The following BIN1 variants were observed in gnomAD, a reference collection of about 807,000 sequenced individuals.
BIN1 encodes bridging integrator 1, also known as myc box-dependent-interacting protein 1.
In BIN1, 53 loss-of-function variants were observed where a neutral mutation model predicts 82.0. The observed-to-expected ratio is 0.65, with a 90% CI of 0.52 to 0.81. The LOEUF (loss-of-function observed/expected upper bound fraction) is 0.81, where lower values mean the gene tolerates loss of function less well. BIN1 is among the 40% of genes least tolerant of loss of function. The pLI is 0.00. For missense variants in BIN1, 642 were observed against 784.4 expected, an observed-to-expected ratio of 0.82 and a Z score of 2.17; for synonymous variants, 302 against 328.0, an observed-to-expected ratio of 0.92 and a Z score of 0.86.
intron 1 of BIN1, among the ~76,000 whole-genome samples, chr2:127,105,732 T>C (rs1422560827): frequency 1.3e-5 from 2 of 152,258 alleles, no homozygotes; most frequent in Admixed American, 1.3e-4. Flanking sequence ...CAAAAGTCAT[T>C]GTTTATAAAC....
intron 1 of BIN1, among the ~76,000 whole-genome samples, chr2:127,088,934 G>A (rs886932638): frequency 3.3e-5 from 5 of 152,198 alleles, no homozygotes; most frequent in East Asian, 1.9e-4. Flanking sequence ...TGAGGTGGAC[G>A]GGAGGGATGC....
chr2:127,065,683 A>T (rs544472010), intron 7 of BIN1, among the ~76,000 whole-genome samples: 1 of 152,176 alleles, frequency 6.6e-6, no homozygotes, highest in Non-Finnish European at 1.5e-5. Flanking sequence ...ACAACTCCCC[A>T]GATGGCAACG....
At chr2:127,100,502 G>A (rs1369829245) in intron 1 of BIN1, among the ~76,000 whole-genome samples, 2 of 152,180 alleles carry the variant, frequency 1.3e-5, no homozygotes, top group Admixed American at 6.5e-5. Context: ...AAGCCCAGAC[G>A]GCCCACTGGG....
In BIN1 at chr2:127,053,893, G is replaced by T. The variant is rs1051734043; in HGVS notation, c.1239+12C>A. 6.4e-7 allele frequency: 1 copy of T among 1,550,492 alleles called. No individual in the cohort carries two copies. Among genetic ancestry groups the T allele is most frequent in the Non-Finnish European group, 8.7e-7 (1 of 1,146,610 alleles). The stretch of plus-strand genomic sequence containing the variant: ...GCTGGTGGGCCCATGGGCAGTGGTG[G>T]GCACAACCAACCTGACCAGAGGGCG... On this transcript the variant is annotated intron_variant, in intron 13 of 18. Coordinates refer to ENST00000316724, the MANE Select transcript of BIN1 (RefSeq NM_139343.3).
intron 10 of BIN1, chr2:127,060,681 A>C (rs760668496): frequency 6.2e-7 from 1 of 1,612,810 alleles, no homozygotes; most frequent in East Asian, 2.2e-5. Context: ...CATTCTGGAG[A>C]AAGGCCAGGT....
chr2:127,105,467 CCCTCCTCCTCCT>C (rs70985434), intron 1 of BIN1, among the ~76,000 whole-genome samples: 11 of 55,818 alleles, frequency 2.0e-4, no homozygotes, highest in Non-Finnish European at 4.1e-4. Context: ...GGGCTTTAAT[CCCTCCTCCTCCT>C]CCTCCTCCTC....
chr2:127,082,607 TA>T lies in BIN1; in HGVS notation c.85-5902del, dbSNP rs1335193048. 6.6e-6 allele frequency among the ~76,000 whole-genome samples: 1 copy of T among 152,098 alleles called. No individual in the cohort carries two copies. The highest frequency in any genetic ancestry group is 2.4e-5 in the African/African-American group (1 of 41,388). On this transcript the variant is annotated intron_variant, in intron 1 of 18. Coordinates refer to ENST00000316724, the MANE Select transcript of BIN1 (RefSeq NM_139343.3). This position sits in a 1 kb window ranked among gnomAD's most constrained non-coding sequence, Gnocchi z 6.1. ...GGTGAAAGGGGTACAATGGGAGTCT[TA>T]AACCCCCAGGGGCAGAGGGAGCCAG...
At chr2:127,069,070 A>C (rs776948606) in intron 5 of BIN1, 39 bp from the exon 6 acceptor site, 3 of 1,588,928 alleles carry the variant, frequency 1.9e-6, no homozygotes, top group Non-Finnish European at 8.6e-7. Context: ...GGGGCCTGGC[A>C]CCCCTGCTGA....
intron 1 of BIN1, among the ~76,000 whole-genome samples, chr2:127,086,900 C>G (rs551680624): frequency 6.6e-6 from 1 of 152,152 alleles, no homozygotes; most frequent in African/African-American, 2.4e-5. Flanking sequence ...CCCCATGCTC[C>G]GTCCCCTGAC....
intron 1 of BIN1, among the ~76,000 whole-genome samples, chr2:127,103,296 G>A (rs1680590066): frequency 6.6e-6 from 1 of 152,178 alleles, no homozygotes; most frequent in African/African-American, 2.4e-5. Context: ...AGGCTAAGGT[G>A]GCTACTGCGT....
At chr2:127,086,490 C>G (rs528075447) in intron 1 of BIN1, among the ~76,000 whole-genome samples, 35 of 152,002 alleles carry the variant, frequency 2.3e-4, no homozygotes, top group Middle Eastern at 3.4e-3. Flanking sequence ...CTCGCCCCCA[C>G]ATGGTAATCC....
chr2:127,105,175 G>A (rs747269325), intron 1 of BIN1, among the ~76,000 whole-genome samples: 2 of 152,218 alleles, frequency 1.3e-5, no homozygotes, highest in Non-Finnish European at 2.9e-5. Flanking sequence ...GCAGAGAAAA[G>A]ACAACCAGGG....
chr2:127,086,473 G>A (rs770258543), intron 1 of BIN1, among the ~76,000 whole-genome samples: 1 of 151,608 alleles, frequency 6.6e-6, no homozygotes, highest in African/African-American at 2.4e-5. Context: ...TCCCAGGAAG[G>A]CCTGGCCTCG....
intron 3 of BIN1, 42 bp from the exon 4 acceptor site, chr2:127,070,689 C>T (rs373215944): frequency 1.5e-5 from 25 of 1,613,596 alleles, no homozygotes; most frequent in Non-Finnish European, 2.0e-5. Flanking sequence ...CCACTGATAG[C>T]GCTTGTCCCA....
In BIN1 at chr2:127,068,460, G is replaced by A. The variant is rs372770142; in HGVS notation, c.520-205C>T. On this transcript the variant is annotated intron_variant, in intron 6 of 18. Transcript: ENST00000316724. This position sits in a 1 kb window ranked among gnomAD's most constrained non-coding sequence, Gnocchi z 4.9. ...TGAACTCCAACTGCAGAGGCAAAAG[G>A]TGAGCGTGGTTAGCAGCACAGGGGG... 5.9e-5 allele frequency among the ~76,000 whole-genome samples: 9 copies of A among 152,278 alleles called. 1 individual carries two copies. Among genetic ancestry groups the A allele is most frequent in the African/African-American group, 1.2e-4 (5 of 41,556 alleles).
At chr2:127,085,170 CT>C (rs1677966079) in intron 1 of BIN1, among the ~76,000 whole-genome samples, 1 of 152,178 alleles carries the variant, frequency 6.6e-6, no homozygotes, top group Non-Finnish European at 1.5e-5. Context: ...AGCTGGGCCC[CT>C]TGCAGCAGCC....
chr2:127,073,026 C>A lies in BIN1; in HGVS notation c.166-2210G>T, dbSNP rs548225210. ...CACACCTCTCACGCCGTCCCCACCTCCCCCCCACAGCAGGGGTCCCCATGG... is the reference window on the plus strand; with the variant it reads ...CACACCTCTCACGCCGTCCCCACCTACCCCCCACAGCAGGGGTCCCCATGG... On this transcript the variant is annotated intron_variant, in intron 2 of 18. Coordinates refer to ENST00000316724, the MANE Select transcript of BIN1 (RefSeq NM_139343.3). Among the ~76,000 whole-genome samples, 7 of 152,292 alleles carry A rather than the reference C, an allele frequency of 4.6e-5. No individual in the cohort carries two copies. The East Asian group carries it at 1.4e-3, about 29-fold the overall frequency.
chr2:127,080,590 G>A lies in BIN1; in HGVS notation c.85-3884C>T, dbSNP rs536915726. On this transcript the variant is annotated intron_variant, in intron 1 of 18. Transcript: ENST00000316724. Reference sequence around the variant, plus strand: ...GGGGAGCCTTTGAAAACTTGGCGGCGGACGAGACACACAGAGGCCCAGGCG... The same window carrying A: ...GGGGAGCCTTTGAAAACTTGGCGGCAGACGAGACACACAGAGGCCCAGGCG... Among the ~76,000 whole-genome samples the A allele has an allele frequency of 7.2e-5, 11 of 152,310 alleles. No individual in the cohort carries two copies. The East Asian group carries it at 1.9e-3, about 27-fold the overall frequency.
At chr2:127,079,879 A>C (rs549721030) in intron 1 of BIN1, among the ~76,000 whole-genome samples, 11 of 152,272 alleles carry the variant, frequency 7.2e-5, no homozygotes, top group Non-Finnish European at 1.5e-4. Context: ...GACAAAATGG[A>C]AGGGTAATGT....
Sources: gnomAD v4.1 joint callset for allele counts (sites outside exome capture counted in the v4.1 genomes callset) on GRCh38, gnomAD v4.1.1 for gene constraint, Gnocchi (gnomAD v3.1) non-coding constraint, MANE v1.5 for transcripts, NCBI Gene and HGNC (gene_info 2026-07-23, HGNC 2026-07-21) for gene names.